The following CLCN2 variants were observed in gnomAD, a reference collection of about 807,000 sequenced individuals.
The protein encoded by CLCN2 is chloride voltage-gated channel 2.
Under a neutral mutation model 108.3 loss-of-function variants are expected in CLCN2, and 72 were observed. The observed-to-expected ratio is 0.66, with a 90% CI of 0.55 to 0.81. The LOEUF is 0.81. Ranked by LOEUF, CLCN2 falls within the 30% of genes least tolerant of loss-of-function variation. The probability of loss-of-function intolerance (pLI) is 0.00; values close to 1 mark genes in which losing one functional copy is unlikely to be tolerated. For missense variants in CLCN2, 1,048 were observed against 1,205.2 expected, an observed-to-expected ratio of 0.87 and a Z score of 1.93; for synonymous variants, 471 against 467.1, an observed-to-expected ratio of 1.01 and a Z score of -0.11.
In CLCN2 at chr3:184,358,334, C is replaced by G. The variant is rs759787405; in HGVS notation, c.353-24G>C. On this transcript the variant is annotated intron_variant, in intron 3 of 23. Coordinates refer to ENST00000265593, the MANE Select transcript of CLCN2 (RefSeq NM_004366.6). ...GGCTGTGGGAAGAGGACCTGCTGGACCCCCAGTGCACACACCCACTGCCTG... is the reference window on the plus strand; with the variant it reads ...GGCTGTGGGAAGAGGACCTGCTGGAGCCCCAGTGCACACACCCACTGCCTG... 3 of 1,612,832 alleles carry G rather than the reference C, an allele frequency of 1.9e-6. No homozygotes were observed. The South Asian group carries it at 3.3e-5, about 18-fold the overall frequency.
intron 22 of CLCN2, chr3:184,347,769 A>G (rs1727793645): frequency 6.5e-6 from 1 of 153,720 alleles, no homozygotes; most frequent in Non-Finnish European, 1.4e-5. Context: ...GTTGAGATGC[A>G]GCTTGCAGTC....
rs377416264 is a variant in CLCN2 at position 184,352,462 on chromosome 3, C to T, written c.2252G>A (p.Arg751His). ...ACTTACTGCCAGGGAGATTCGGACA[C>T]GCTTCAGCTTGCGCTTCTCACAGGA... ...LESCEKRKLK[R>H]VRISLASDAD... Residue 751 changes from arginine (R) to histidine (H), a missense_variant, in exon 20 of 24, where the codon CGT becomes CAT. Transcript: ENST00000265593. 9.3e-6 allele frequency: 15 copies of T among 1,613,318 alleles called. No individual in the cohort carries two copies. Among genetic ancestry groups the T allele is most frequent in the South Asian group, 7.7e-5 (7 of 91,010 alleles).
chr3:184,359,183 C>T (rs776145929), intron 1 of CLCN2, 52 bp from the exon 2 acceptor site: 14 of 1,607,448 alleles, frequency 8.7e-6, no homozygotes, highest in South Asian at 4.4e-5. Context: ...TGAGTGGGAA[C>T]GCAGGGAGAG....
chr3:184,352,844 T>C (rs761672429), intron 18 of CLCN2, 34 bp from the exon 19 acceptor site: 3 of 1,610,516 alleles, frequency 1.9e-6, no homozygotes, highest in South Asian at 1.1e-5. Context: ...CAGGGGGCAA[T>C]GTCATCTTTT....
chr3:184,348,961 G>A (rs1727898596), intron 22 of CLCN2: 1 of 152,154 alleles, frequency 6.6e-6, no homozygotes, highest in Admixed American at 6.6e-5. Flanking sequence ...GTCTGGCCCT[G>A]CTTATCCTAT....
At position 184,359,064 on chromosome 3, in the gene CLCN2, C is replaced by G. The variant is rs771210575; in HGVS notation, c.131G>C (p.Gly44Ala). 4 of 1,613,590 alleles carry G rather than the reference C, an allele frequency of 2.5e-6. No homozygotes were observed. Among genetic ancestry groups the G allele is most frequent in the African/African-American group, 2.7e-5 (2 of 74,948 alleles). Residue 44 changes from glycine to alanine, a missense_variant, in exon 2 of 24, where the codon GGA (glycine) becomes GCA (alanine). Coordinates refer to ENST00000265593, the MANE Select transcript of CLCN2 (RefSeq NM_004366.6). ...AKEEAARIRL[G>A]GPEPWKGPPS... ...GGGACCTTTCCAGGGTTCAGGCCCTCCCAGGCGAATCCGAGCAGCTTCCTC... is the reference window on the plus strand; with the variant it reads ...GGGACCTTTCCAGGGTTCAGGCCCTGCCAGGCGAATCCGAGCAGCTTCCTC...
At position 184,347,014 on chromosome 3, in the gene CLCN2, G is replaced by A; in HGVS notation, c.2423C>T (p.Thr808Ile). Residue 808 changes from threonine (T) to isoleucine (I), a missense_variant, in exon 23 of 24, where the codon ACT becomes ATT. Physicochemically the swap from Thr to Ile is moderately conservative, Grantham distance 89. Transcript: ENST00000265593. ...GTCCACTCCCAGCAGTGAGAAGATA[G>A]TGTGAGTCTGCAGTGTGGGGAGAAA... The part of the protein sequence containing the change: ...VERTSLHKTH[T>I]IFSLLGVDHA... The A allele has an allele frequency of 6.2e-7, 1 of 1,613,704 alleles. No individual in the cohort carries two copies. The highest frequency in any genetic ancestry group is 1.7e-5 in the Admixed American group (1 of 60,026).
At position 184,357,091 on chromosome 3, in the gene CLCN2, A is replaced by G; in HGVS notation, c.987T>C (p.Ile329=). 1 of 1,613,382 alleles carries G rather than the reference A, an allele frequency of 6.2e-7. No individual in the cohort carries two copies. Among genetic ancestry groups the G allele is most frequent in the Non-Finnish European group, 8.5e-7 (1 of 1,179,560 alleles). The change falls in exon 10 of 24, where the codon ATT becomes ATC. Residue 329 remains isoleucine (I), a synonymous_variant. Coordinates refer to ENST00000265593, the MANE Select transcript of CLCN2 (RefSeq NM_004366.6). ...AGAGGGCTCCACCGAAGCCACTAGCAATACTGGAAAGGGAAGAGGCACCTG... is the reference window on the plus strand; with the variant it reads ...AGAGGGCTCCACCGAAGCCACTAGCGATACTGGAAAGGGAAGAGGCACCTG... ...QELPAFAVIG[I]ASGFGGALFV...
Position 184,355,360 on chromosome 3 carries a change from C to A in CLCN2, c.1326+14G>T, listed in dbSNP as rs201402558. On this transcript the variant is annotated intron_variant, in intron 12 of 23. Coordinates refer to ENST00000265593, the MANE Select transcript of CLCN2 (RefSeq NM_004366.6). This position sits in a 1 kb window ranked among gnomAD's most constrained non-coding sequence, Gnocchi z 6.3. Reference sequence around the variant, plus strand: ...GCTATGTAAAGGTTAGCAGTGTACACGTGAGGAGCCCACCTTCATGAGAAT... The same window carrying A: ...GCTATGTAAAGGTTAGCAGTGTACAAGTGAGGAGCCCACCTTCATGAGAAT... 6.2e-7 allele frequency: 1 copy of A among 1,613,638 alleles called. No homozygotes were observed. The highest frequency in any genetic ancestry group is 8.5e-7 in the Non-Finnish European group (1 of 1,179,958).
chr3:184,352,342 G>A lies in CLCN2; in HGVS notation c.2272-11C>T, dbSNP rs1485460748. On this transcript the variant is annotated splice_polypyrimidine_tract_variant and intron_variant, in intron 20 of 23. Transcript: ENST00000265593. The stretch of plus-strand genomic sequence containing the variant: ...CAGGTCCGCGTCACTCTAGTAGAGA[G>A]GGAGGGAGGCTGGCAGCTAGGGGCT... 1 of 1,613,860 alleles carries A rather than the reference G, an allele frequency of 6.2e-7. No homozygotes were observed. The highest frequency in any genetic ancestry group is 1.3e-5 in the African/African-American group (1 of 75,048).
chr3:184,355,296 G>A lies in CLCN2; in HGVS notation c.1326+78C>T, dbSNP rs1296621460. The A allele has an allele frequency of 3.4e-6, 5 of 1,491,390 alleles. No homozygotes were observed. The highest frequency in any genetic ancestry group is 2.3e-5 in the East Asian group (1 of 44,306). 92.4% of individuals were successfully genotyped at this position (1,491,390 alleles called of 1,614,324 possible). On this transcript the variant is annotated intron_variant, in intron 12 of 23. Coordinates refer to ENST00000265593, the MANE Select transcript of CLCN2 (RefSeq NM_004366.6). The surrounding 1 kb of genome is among the most constrained non-coding windows in gnomAD (Gnocchi z 6.3). The stretch of plus-strand genomic sequence containing the variant: ...TCCCATGGCACTGTGGAGAGGCTTC[G>A]AGGAGTGAGCACTGCGTGGCAGGTG...
chr3:184,360,641 C>A (rs1049649437), intron 1 of CLCN2, among the ~76,000 whole-genome samples: 1 of 152,190 alleles, frequency 6.6e-6, no homozygotes, highest in East Asian at 1.9e-4. Flanking sequence ...CTTCCTTTCC[C>A]TAGGGCTTGG....
Position 184,355,856 on chromosome 3 carries a change from G to T in CLCN2, c.1086-78C>A. On this transcript the variant is annotated intron_variant, in intron 10 of 23. Coordinates refer to ENST00000265593, the MANE Select transcript of CLCN2 (RefSeq NM_004366.6). This position sits in a 1 kb window ranked among gnomAD's most constrained non-coding sequence, Gnocchi z 6.3. ...CGCATATCTCAGGGCTGAGGTCAGAGCAGAGCCTTGGCTCTTTCATGAAAA... is the reference window on the plus strand; with the variant it reads ...CGCATATCTCAGGGCTGAGGTCAGATCAGAGCCTTGGCTCTTTCATGAAAA... The T allele has an allele frequency of 8.7e-7, 1 of 1,149,022 alleles. No homozygotes were observed. Among genetic ancestry groups the T allele is most frequent in the Non-Finnish European group, 1.3e-6 (1 of 769,844 alleles). The allele number at this position is 1,149,022 out of a possible 1,614,324, so 71.2% of individuals were successfully genotyped here.
Position 184,346,431 on chromosome 3 carries a change from G to T in CLCN2, c.*175C>A. 1.4e-6 allele frequency: 1 copy of T among 719,664 alleles called. No individual in the cohort carries two copies. Among genetic ancestry groups the T allele is most frequent in the Non-Finnish European group, 2.4e-6 (1 of 418,398 alleles). 44.6% of individuals were successfully genotyped at this position (719,664 alleles called of 1,614,324 possible). A position where few individuals can be genotyped will look rare whatever the true frequency, so the allele number is the denominator to read the frequency against. ...GAAGACTTGTTGCAGGTGGGTAGTGGGTCAGATTCCAGGTAGGATGAACTG... is the reference window on the plus strand; with the variant it reads ...GAAGACTTGTTGCAGGTGGGTAGTGTGTCAGATTCCAGGTAGGATGAACTG... On this transcript the variant is annotated 3_prime_UTR_variant, in exon 24 of 24. Coordinates refer to ENST00000265593, the MANE Select transcript of CLCN2 (RefSeq NM_004366.6). This position sits in a 1 kb window ranked among gnomAD's most constrained non-coding sequence, Gnocchi z 6.0.
At chr3:184,350,898 G>A (rs1289441012) in intron 22 of CLCN2, among the ~76,000 whole-genome samples, 1 of 152,122 alleles carries the variant, frequency 6.6e-6, no homozygotes, top group East Asian at 1.9e-4. Context: ...GCAAGCACTC[G>A]AAAAATGTCA....
At position 184,361,373 on chromosome 3, in the gene CLCN2, G is replaced by C. The variant is rs1449340367; in HGVS notation, c.63+44C>G. On this transcript the variant is annotated intron_variant, in intron 1 of 23. Coordinates refer to ENST00000265593, the MANE Select transcript of CLCN2 (RefSeq NM_004366.6). The surrounding 1 kb of genome is among the most constrained non-coding windows in gnomAD (Gnocchi z 6.6). ...CGCTTCCCAGGGTAACCTGGAGCAG[G>C]GGTCCCGGAGCGCACTCCTGGGGCT... is the stretch of plus-strand genomic sequence containing the variant. 6.3e-7 allele frequency: 1 copy of C among 1,596,522 alleles called. No individual in the cohort carries two copies. Among genetic ancestry groups the C allele is most frequent in the Non-Finnish European group, 8.6e-7 (1 of 1,164,434 alleles).
rs537367179 is a variant in CLCN2 at position 184,352,000 on chromosome 3, C to T, written c.2415+13G>A. 2 of 1,591,822 alleles carry T rather than the reference C, an allele frequency of 1.3e-6. No individual in the cohort carries two copies. The highest frequency in any genetic ancestry group is 2.2e-5 in the South Asian group (2 of 90,676). On this transcript the variant is annotated intron_variant, in intron 22 of 23. Coordinates refer to ENST00000265593, the MANE Select transcript of CLCN2 (RefSeq NM_004366.6). ...GAGCCTAGACCAGCCCTGGGCCAGG[C>T]TGCTGGCCCTACCTTGTGCAAAGAG...
intron 22 of CLCN2, among the ~76,000 whole-genome samples, chr3:184,351,673 T>G (rs1000490246): frequency 6.6e-6 from 1 of 152,232 alleles, no homozygotes; most frequent in Non-Finnish European, 1.5e-5. Context: ...GTATCAACCT[T>G]GCTGGGCTGT....
intron 3 of CLCN2, 155 bp from the exon 4 acceptor site, chr3:184,358,465 A>G: frequency 8.4e-7 from 1 of 1,189,888 alleles, no homozygotes; most frequent in Non-Finnish European, 1.2e-6. Context: ...ACTGGGACAA[A>G]GCGCAATCTA....
Sources: allele counts gnomAD v4.1 joint callset (sites outside exome capture counted in the v4.1 genomes callset), GRCh38; gene constraint gnomAD v4.1.1; non-coding constraint Gnocchi (gnomAD v3.1); transcripts MANE v1.5; gene names NCBI Gene and HGNC (gene_info 2026-07-23, HGNC 2026-07-21).